SGCZ: variants seen among roughly 807,000 people sequenced by gnomAD.
SGCZ encodes zeta-sarcoglycan.
Under a neutral mutation model 41.3 loss-of-function variants are expected in SGCZ, and 40 were observed. That is an observed-to-expected ratio of 0.97 (90% CI 0.75 to 1.26). The LOEUF (loss-of-function observed/expected upper bound fraction) is 1.26. Among genes scored for constraint, SGCZ ranks in the 50% most tolerant of loss-of-function variants. SGCZ has a pLI of 0.00. For missense variants in SGCZ, 552 were observed against 369.8 expected (o/e 1.49, Z -4.04); for synonymous variants, 206 against 137.5 (o/e 1.50, Z -3.49).
Position 14,249,903 on chromosome 8 carries a change from A to G in SGCZ, c.337-12224T>C, listed in dbSNP as rs555829585. On this transcript the variant is annotated intron_variant, in intron 3 of 7. Transcript: ENST00000382080. ...AATGTAAGTATGTCTAGCTAAATCAAAAGAGTAAGTATATCATGTGTGGTG... is the reference window on the plus strand; with the variant it reads ...AATGTAAGTATGTCTAGCTAAATCAGAAGAGTAAGTATATCATGTGTGGTG... Among the ~76,000 whole-genome samples, 3 of 152,338 alleles carry G rather than the reference A, an allele frequency of 2.0e-5. No individual in the cohort carries two copies. The East Asian group carries it at 5.8e-4, about 29-fold the overall frequency.
intron 1 of SGCZ, among the ~76,000 whole-genome samples, chr8:14,650,758 T>C (rs7836928): frequency 0.75 from 113,313 of 151,930 alleles, 42,526 homozygotes; most frequent in East Asian, 0.91. Flanking sequence ...AAGAAAGCTG[T>C]TTGTGGTTTG....
intron 1 of SGCZ, among the ~76,000 whole-genome samples, chr8:14,775,055 C>T (rs1039649428): frequency 6.6e-6 from 1 of 152,006 alleles, no homozygotes; most frequent in Non-Finnish European, 1.5e-5. Context: ...TTATAGTATA[C>T]TAAATTGTAA....
Position 15,030,291 on chromosome 8 carries a change from A to G in SGCZ, c.39+207294T>C, listed in dbSNP as rs528730076. Among the ~76,000 whole-genome samples, 24 of 152,320 alleles carry G rather than the reference A, an allele frequency of 1.6e-4. No homozygotes were observed. The South Asian group carries it at 4.8e-3, about 30-fold the overall frequency. On this transcript the variant is annotated intron_variant, in intron 1 of 7. Coordinates refer to ENST00000382080, the MANE Select transcript of SGCZ (RefSeq NM_139167.4). ...CATCCTTAACTATGATTTAATTGCC[A>G]TCTTCAGAAAATAGCACGGTGAAAA...
At chr8:14,296,962 C>T (rs1801033094) in intron 3 of SGCZ, among the ~76,000 whole-genome samples, 1 of 151,856 alleles carries the variant, frequency 6.6e-6, no homozygotes, top group African/African-American at 2.4e-5. Flanking sequence ...GCTCTTGTTG[C>T]CCAAGCTGGA....
intron 3 of SGCZ, among the ~76,000 whole-genome samples, chr8:14,266,795 A>C (rs1799884139): frequency 6.6e-6 from 1 of 152,120 alleles, no homozygotes; most frequent in Non-Finnish European, 1.5e-5. Flanking sequence ...AAACGAAGTA[A>C]ATTATGATGA....
intron 2 of SGCZ, among the ~76,000 whole-genome samples, chr8:14,466,762 T>A (rs551828433): frequency 7.9e-5 from 12 of 152,044 alleles, no homozygotes; most frequent in Middle Eastern, 3.4e-3. Flanking sequence ...AACTTTTTGT[T>A]CCAGTTACCG....
intron 2 of SGCZ, among the ~76,000 whole-genome samples, chr8:14,434,448 C>T (rs908037784): frequency 1.3e-5 from 2 of 151,982 alleles, no homozygotes; most frequent in East Asian, 1.9e-4. Context: ...TAGACCATGT[C>T]GGCTGTTTTT....
intron 3 of SGCZ, among the ~76,000 whole-genome samples, chr8:14,286,488 T>C (rs886456987): frequency 6.6e-6 from 1 of 152,150 alleles, no homozygotes; most frequent in African/African-American, 2.4e-5. Context: ...AGCTCTTTTC[T>C]AAAGCGTGTT....
At chr8:14,899,623 C>T (rs1798891982) in intron 1 of SGCZ, among the ~76,000 whole-genome samples, 1 of 152,098 alleles carries the variant, frequency 6.6e-6, no homozygotes, top group Non-Finnish European at 1.5e-5. Context: ...TTGTAAATTG[C>T]TGTGCTAGGT....
chr8:14,615,019 T>C lies in SGCZ; in HGVS notation c.40-60093A>G, dbSNP rs1806053136. Among the ~76,000 whole-genome samples, 4 of 152,212 alleles carry C rather than the reference T, an allele frequency of 2.6e-5. No homozygotes were observed. The South Asian group carries it at 8.3e-4, about 32-fold the overall frequency. The stretch of plus-strand genomic sequence containing the variant: ...ATATATGTGTGTGTGTGTGTATATA[T>C]ATATATGAAAGCTTGTTACAAAAAG... On this transcript the variant is annotated intron_variant, in intron 1 of 7. Transcript: ENST00000382080.
intron 3 of SGCZ, among the ~76,000 whole-genome samples, chr8:14,289,830 AAT>A (rs1333253733): frequency 3.3e-5 from 5 of 151,478 alleles, no homozygotes; most frequent in Non-Finnish European, 1.5e-5. Flanking sequence ...AATTAAAAAA[AAT>A]AAAAAGAAAA....
intron 1 of SGCZ, among the ~76,000 whole-genome samples, chr8:15,159,562 G>C (rs1038375981): frequency 3.3e-5 from 5 of 152,136 alleles, no homozygotes; most frequent in Non-Finnish European, 7.4e-5. Flanking sequence ...AGGATATGCA[G>C]CTTGTGTCCA....
chr8:14,509,743 G>C (rs528467983), intron 2 of SGCZ, among the ~76,000 whole-genome samples: 1 of 152,156 alleles, frequency 6.6e-6, no homozygotes, highest in Non-Finnish European at 1.5e-5. Context: ...AGGTTTAATC[G>C]ACTCACAGTT....
intron 4 of SGCZ, among the ~76,000 whole-genome samples, chr8:14,235,916 C>G (rs952237838): frequency 1.3e-5 from 2 of 152,114 alleles, no homozygotes; most frequent in African/African-American, 4.8e-5. Flanking sequence ...ATTTCTTGAC[C>G]TCATGATCCG....
chr8:14,379,400 G>T (rs1254649753), intron 2 of SGCZ, among the ~76,000 whole-genome samples: 1 of 152,092 alleles, frequency 6.6e-6, no homozygotes, highest in Non-Finnish European at 1.5e-5. Context: ...ACAAGATAAT[G>T]TAGTTAGAAA....
intron 1 of SGCZ, among the ~76,000 whole-genome samples, chr8:15,160,621 C>A (rs2117040056): frequency 6.6e-6 from 1 of 152,262 alleles, no homozygotes; most frequent in Admixed American, 6.5e-5. Context: ...TTTTTCTAGG[C>A]TTTGTAGAAA....
chr8:14,559,170 G>A (rs1804130722), intron 1 of SGCZ, among the ~76,000 whole-genome samples: 2 of 151,968 alleles, frequency 1.3e-5, no homozygotes, highest in Admixed American at 1.3e-4. Flanking sequence ...CATCCAAATT[G>A]GTAAAGAGAA....
chr8:15,173,549 T>C (rs1398331859), intron 1 of SGCZ, among the ~76,000 whole-genome samples: 1 of 152,232 alleles, frequency 6.6e-6, no homozygotes, highest in African/African-American at 2.4e-5. Context: ...TAATATGTAG[T>C]ATGATTTCAC....
chr8:14,591,296 A>T (rs534112319), intron 1 of SGCZ, among the ~76,000 whole-genome samples: 1 of 152,094 alleles, frequency 6.6e-6, no homozygotes, highest in South Asian at 2.1e-4. Flanking sequence ...TAGAAATTAA[A>T]TATTATGTTT....
Sources: gnomAD v4.1 joint callset for allele counts (sites outside exome capture counted in the v4.1 genomes callset) on GRCh38, gnomAD v4.1.1 for gene constraint, MANE v1.5 for transcripts, NCBI Gene and HGNC (gene_info 2026-07-23, HGNC 2026-07-21) for gene names.